Variants in TGFBR2 observed in about 807,000 individuals in gnomAD.
TGFBR2 encodes TGF-beta receptor type-2.
TGFBR2 carries 18 observed loss-of-function variants against 49.0 expected under a neutral mutation model. The observed-to-expected ratio is 0.37, with a 90% confidence interval of 0.25 to 0.54. TGFBR2 has a LOEUF of 0.54. Among genes scored for constraint, TGFBR2 ranks in the 20% least tolerant of loss-of-function variants. The probability of loss-of-function intolerance (pLI) is 0.85; values close to 1 mark genes in which losing one functional copy is unlikely to be tolerated. For synonymous variants in TGFBR2, 282 were observed against 275.9 expected, an observed-to-expected ratio of 1.02 and a Z score of -0.22; for missense variants, 525 against 722.6, an observed-to-expected ratio of 0.73 and a Z score of 3.13.
intron 5 of TGFBR2, among the ~76,000 whole-genome samples, chr3:30,683,028 A>G (rs920157565): frequency 3.3e-5 from 5 of 152,200 alleles, no homozygotes; most frequent in Non-Finnish European, 5.9e-5. Flanking sequence ...CTTCAGAGTA[A>G]CAGTAATAAA....
chr3:30,608,661 T>C (rs1575126966), intron 1 of TGFBR2, among the ~76,000 whole-genome samples: 1 of 152,316 alleles, frequency 6.6e-6, no homozygotes, highest in East Asian at 1.9e-4. Context: ...ACATTGAAGG[T>C]GGCATGGAGA....
At chr3:30,675,877 G>T (rs1293999258) in intron 5 of TGFBR2, among the ~76,000 whole-genome samples, 1 of 152,120 alleles carries the variant, frequency 6.6e-6, no homozygotes, top group Non-Finnish European at 1.5e-5. Context: ...ATACGTATTT[G>T]TACTTCCAAG....
At chr3:30,615,276 C>G (rs1024035404) in intron 1 of TGFBR2, among the ~76,000 whole-genome samples, 19 of 145,644 alleles carry the variant, frequency 1.3e-4, no homozygotes, top group African/African-American at 5.4e-4. Context: ...CTACCTATAC[C>G]CTGGTATAGG....
At chr3:30,608,002 G>A (rs1027533982) in intron 1 of TGFBR2, among the ~76,000 whole-genome samples, 1 of 150,860 alleles carries the variant, frequency 6.6e-6, no homozygotes, top group Non-Finnish European at 1.5e-5. Flanking sequence ...GTGCAGTGGC[G>A]CAATCTCGGC....
At position 30,672,405 on chromosome 3, in the gene TGFBR2, C is replaced by A. The variant is rs770352403; in HGVS notation, c.1222C>A (p.Leu408Met). 4.3e-5 allele frequency: 69 copies of A among 1,614,106 alleles called. No homozygotes were observed. The highest frequency in any genetic ancestry group is 5.8e-5 in the Non-Finnish European group (69 of 1,180,038). ...GCTTTCCCTGCGTCTGGACCCTACT[C>A]TGTCTGTGGATGACCTGGCTAACAG... ...FGLSLRLDPTLSVDDLANSGQ... is the reference protein window; with the variant it reads ...FGLSLRLDPTMSVDDLANSGQ... The change falls in exon 4 of 7, where the codon CTG becomes ATG. Residue 408 changes from leucine to methionine, a missense_variant. Around this residue, in one of 3 missense-constraint regions of TGFBR2, gnomAD observed 45 missense variants for 111.0 expected, o/e 0.41. Coordinates refer to ENST00000295754, the MANE Select transcript of TGFBR2 (RefSeq NM_003242.6). This position sits in a 1 kb window ranked among gnomAD's most constrained non-coding sequence, Gnocchi z 4.5.
rs562413804 is a variant in TGFBR2 at position 30,616,757 on chromosome 3, G to A, written c.94+9780G>A. The stretch of plus-strand genomic sequence containing the variant: ...TGAGAAATACCACAGACTTCCACTG[G>A]TGTTCATTGGAGATGACTACTATTA... On this transcript the variant is annotated intron_variant, in intron 1 of 6. Coordinates refer to ENST00000295754, the MANE Select transcript of TGFBR2 (RefSeq NM_003242.6). Among the ~76,000 whole-genome samples the A allele has an allele frequency of 8.6e-5, 13 of 151,976 alleles. No individual in the cohort carries two copies. In the East Asian group the frequency reaches 1.7e-3, roughly 20 times the overall value.
At chr3:30,645,502 T>TTTTTTTC (rs1280094767) in intron 2 of TGFBR2, among the ~76,000 whole-genome samples, 1 of 151,564 alleles carries the variant, frequency 6.6e-6, no homozygotes, top group African/African-American at 2.4e-5. Flanking sequence ...TTTTTTTTTT[T>TTTTTTTC]TGAGATGGAG....
chr3:30,621,667 G>T (rs1167897497), intron 1 of TGFBR2, among the ~76,000 whole-genome samples: 1 of 152,122 alleles, frequency 6.6e-6, no homozygotes, highest in East Asian at 1.9e-4. Flanking sequence ...GCATGTCATT[G>T]GTTCACTCTC....
chr3:30,633,864 C>T (rs1039647370), intron 1 of TGFBR2, among the ~76,000 whole-genome samples: 1 of 152,236 alleles, frequency 6.6e-6, no homozygotes, highest in Non-Finnish European at 1.5e-5. Flanking sequence ...GTAGCAATTT[C>T]TGCTTTAGCT....
intron 3 of TGFBR2, among the ~76,000 whole-genome samples, chr3:30,654,374 A>G (rs186806483): frequency 1.2e-3 from 179 of 152,268 alleles, no homozygotes; most frequent in Admixed American, 2.3e-3. Flanking sequence ...TGAACCGGGT[A>G]CCTACCCTTA....
intron 1 of TGFBR2, among the ~76,000 whole-genome samples, chr3:30,643,470 C>T (rs1698678802): frequency 6.6e-6 from 1 of 152,134 alleles, no homozygotes; most frequent in Admixed American, 6.5e-5. Context: ...TTTGAACTGC[C>T]CCTAGTTTGC....
Position 30,691,980 on chromosome 3 carries a change from G to C in TGFBR2, c.*381G>C, listed in dbSNP as rs1699719345. 1 of 218,756 alleles carries C rather than the reference G, an allele frequency of 4.6e-6. No individual in the cohort carries two copies. Among genetic ancestry groups the C allele is most frequent in the African/African-American group, 2.3e-5 (1 of 44,012 alleles). The allele number at this position is 218,756 out of a possible 1,614,324, so 13.6% of individuals were successfully genotyped here. A position where few individuals can be genotyped will look rare whatever the true frequency, so the allele number is the denominator to read the frequency against. On this transcript the variant is annotated 3_prime_UTR_variant, in exon 7 of 7. Coordinates refer to ENST00000295754, the MANE Select transcript of TGFBR2 (RefSeq NM_003242.6). ...ATAGCCATACCTTGAAAAGAGACAA[G>C]GAAAAACATCAAATATTCCCAGGAA...
rs1236170528 is a variant in TGFBR2, at chr3:30,691,683, T to C, written c.*84T>C. 2 of 1,541,644 alleles carry C rather than the reference T, an allele frequency of 1.3e-6. No homozygotes were observed. Among genetic ancestry groups the C allele is most frequent in the Middle Eastern group, 1.9e-4 (1 of 5,288 alleles). ...AGGCAGCAGGAAGCTGCCCCTGAACTGATGCTTCCTGGAAAACCAAGGGGG... is the reference window on the plus strand; with the variant it reads ...AGGCAGCAGGAAGCTGCCCCTGAACCGATGCTTCCTGGAAAACCAAGGGGG... On this transcript the variant is annotated 3_prime_UTR_variant, in exon 7 of 7. Transcript: ENST00000295754.
At position 30,674,115 on chromosome 3, in the gene TGFBR2, C is replaced by T. The variant is rs1699390424; in HGVS notation, c.1265C>T (p.Ala422Val). The change falls in exon 5 of 7, where the codon GCA becomes GTA. Residue 422 changes from alanine to valine, a missense_variant. Coordinates refer to ENST00000295754, the MANE Select transcript of TGFBR2 (RefSeq NM_003242.6). Reference protein sequence around the residue: ...DLANSGQVGTARYMAPEVLES... With the variant: ...DLANSGQVGTVRYMAPEVLES... Reference sequence around the variant, plus strand: ...CTGTTTTTGCTATAGGTGGGAACTGCAAGATACATGGCTCCAGAAGTCCTA... The same window carrying T: ...CTGTTTTTGCTATAGGTGGGAACTGTAAGATACATGGCTCCAGAAGTCCTA... The T allele has an allele frequency of 6.2e-7, 1 of 1,614,060 alleles. No homozygotes were observed.
chr3:30,647,869 G>T (rs1236639676), intron 2 of TGFBR2, among the ~76,000 whole-genome samples: 1 of 151,894 alleles, frequency 6.6e-6, no homozygotes, highest in Non-Finnish European at 1.5e-5. Context: ...AGTAGAGATG[G>T]GGTTTCACTG....
intron 1 of TGFBR2, among the ~76,000 whole-genome samples, chr3:30,632,538 C>A (rs983823348): frequency 2.0e-5 from 3 of 152,156 alleles, no homozygotes; most frequent in Non-Finnish European, 4.4e-5. Context: ...TTTGTCTATT[C>A]ATTCAAATTT....
chr3:30,632,714 C>A (rs1310603871), intron 1 of TGFBR2, among the ~76,000 whole-genome samples: 1 of 152,096 alleles, frequency 6.6e-6, no homozygotes, highest in African/African-American at 2.4e-5. Context: ...GCTTGTGTGG[C>A]ATTTTTTACT....
intron 1 of TGFBR2, among the ~76,000 whole-genome samples, chr3:30,644,210 C>T (rs1278716355): frequency 6.6e-6 from 1 of 152,114 alleles, no homozygotes; most frequent in East Asian, 1.9e-4. Context: ...AAATCTTGTG[C>T]CTCCAGCAAC....
intron 1 of TGFBR2, among the ~76,000 whole-genome samples, chr3:30,620,058 G>A (rs572073930): frequency 1.3e-5 from 2 of 152,106 alleles, no homozygotes; most frequent in East Asian, 3.9e-4. Context: ...GTGGTGGCGG[G>A]TGCCTGTAGT....
Sources: allele counts gnomAD v4.1 joint callset (sites outside exome capture counted in the v4.1 genomes callset), GRCh38; gene constraint gnomAD v4.1.1; regional missense constraint gnomAD v4.1.1; non-coding constraint Gnocchi (gnomAD v3.1); transcripts MANE v1.5; gene names NCBI Gene and HGNC (gene_info 2026-07-23, HGNC 2026-07-21).